The following SCAF11 variants were observed in gnomAD, a reference collection of about 807,000 sequenced individuals.
The protein encoded by SCAF11 is protein SCAF11.
Under a neutral mutation model 140.5 loss-of-function variants are expected in SCAF11, and 47 were observed. That is an observed-to-expected ratio of 0.33 (90% CI 0.26 to 0.43). SCAF11 has a LOEUF of 0.43. SCAF11 is among the 20% of genes least tolerant of loss of function. SCAF11 has a pLI of 1.00. For missense variants in SCAF11, 1,645 were observed against 1,705.1 expected, an observed-to-expected ratio of 0.96 and a Z score of 0.62; for synonymous variants, 557 against 579.4, an observed-to-expected ratio of 0.96 and a Z score of 0.55.
intron 1 of SCAF11, among the ~76,000 whole-genome samples, chr12:45,976,236 TA>T (rs1432018097): frequency 6.6e-6 from 1 of 152,214 alleles, no homozygotes; most frequent in Non-Finnish European, 1.5e-5. Flanking sequence ...TTTAAGTATG[TA>T]TAATTCTTAG....
intron 1 of SCAF11, 135 bp from the exon 2 acceptor site, chr12:45,964,323 ATCCAGTAC>A: frequency 3.5e-6 from 2 of 568,360 alleles, no homozygotes; most frequent in Non-Finnish European, 6.2e-6. Flanking sequence ...TTTGTGGATA[ATCCAGTAC>A]TCTTTTATAC....
chr12:45,956,170 T>C (rs1267570402), intron 3 of SCAF11: 3 of 716,726 alleles, frequency 4.2e-6, no homozygotes, highest in African/African-American at 3.5e-5. Flanking sequence ...CTCAATCACA[T>C]AGGCTGCTTA....
intron 14 of SCAF11, 26 bp downstream of exon 14, chr12:45,922,437 C>T (rs761787012): frequency 1.3e-6 from 2 of 1,593,340 alleles, no homozygotes; most frequent in South Asian, 2.3e-5. Context: ...ACAACGTGCA[C>T]ATACTCCACT....
intron 1 of SCAF11, among the ~76,000 whole-genome samples, chr12:45,966,294 A>G (rs1248803982): frequency 2.0e-5 from 3 of 152,028 alleles, no homozygotes; most frequent in Non-Finnish European, 2.9e-5. Context: ...AGAATAATCT[A>G]TCAATGAAAG....
intron 2 of SCAF11, among the ~76,000 whole-genome samples, chr12:45,963,755 C>T (rs1420526101): frequency 6.6e-6 from 1 of 152,166 alleles, no homozygotes; most frequent in African/African-American, 2.4e-5. Context: ...GGTTCTTCTT[C>T]TGTTGGTAGT....
At chr12:45,934,559 GGCTGTAAACCA>G in intron 6 of SCAF11, 54 bp from the exon 7 acceptor site, 1 of 1,271,982 alleles carries the variant, frequency 7.9e-7, no homozygotes. Context: ...TTATTAAAAA[GGCTGTAAACCA>G]GCATCGATAC....
intron 1 of SCAF11, among the ~76,000 whole-genome samples, chr12:45,985,940 A>G (rs184494580): frequency 6.6e-6 from 1 of 151,992 alleles, no homozygotes; most frequent in Admixed American, 6.6e-5. Flanking sequence ...CTTGACTTCT[A>G]TCTCCTTGTA....
chr12:45,970,854 T>C (rs1946055768), intron 1 of SCAF11, among the ~76,000 whole-genome samples: 1 of 152,252 alleles, frequency 6.6e-6, no homozygotes, highest in Admixed American at 6.5e-5. Context: ...AGTAAGGATA[T>C]GTTTCAGAAC....
intron 6 of SCAF11, 87 bp from the exon 7 acceptor site, chr12:45,934,592 C>T: frequency 2.5e-6 from 2 of 800,762 alleles, no homozygotes; most frequent in Non-Finnish European, 3.8e-6. Context: ...AGCACATTGG[C>T]AAGGGTTGAA....
intron 1 of SCAF11, among the ~76,000 whole-genome samples, chr12:45,989,247 C>A (rs1364878814): frequency 1.3e-5 from 2 of 152,028 alleles, no homozygotes; most frequent in East Asian, 1.9e-4. Flanking sequence ...TCTTTTAAAA[C>A]GAAAAAATAA....
Position 45,923,115 on chromosome 12 carries a change from T to TA in SCAF11, c.3945dup (p.Thr1316TyrfsTer24). 1 of 1,614,150 alleles carries TA rather than the reference T, an allele frequency of 6.2e-7. No individual in the cohort carries two copies. The highest frequency in any genetic ancestry group is 8.5e-7 in the Non-Finnish European group (1 of 1,180,004). ...GCTGTCGGAGCAGGCAAAACTGGTG[T>TA]ACTCATGTTATTACTTACATGAGAA... On this transcript the variant is annotated frameshift_variant, in exon 13 of 15. Transcript: ENST00000369367. LOFTEE classifies it high-confidence loss of function.
intron 1 of SCAF11, among the ~76,000 whole-genome samples, chr12:45,978,253 T>A (rs948223947): frequency 2.6e-5 from 4 of 152,174 alleles, no homozygotes; most frequent in African/African-American, 9.7e-5. Context: ...GCTTAAGTTA[T>A]GGAGGACAGA....
chr12:45,963,567 T>C (rs558559947), intron 2 of SCAF11, among the ~76,000 whole-genome samples: 2 of 152,140 alleles, frequency 1.3e-5, no homozygotes, highest in Admixed American at 1.3e-4. Context: ...CAATAGACCT[T>C]CACTAAAGAA....
chr12:45,932,499 T>C (rs7309711), intron 9 of SCAF11, among the ~76,000 whole-genome samples: 129,931 of 152,094 alleles, frequency 0.85, 55,860 homozygotes, highest in African/African-American at 0.95. Flanking sequence ...GCCATCATTC[T>C]TAGAGGGTGA....
chr12:45,959,568 T>C lies in SCAF11; in HGVS notation c.219+2132A>G, dbSNP rs1229700202. ...TTAGATGGAAGAAGACTGAGGGAAATGAGAGGATGGAGCTTAATTTATAAT... is the reference window on the plus strand; with the variant it reads ...TTAGATGGAAGAAGACTGAGGGAAACGAGAGGATGGAGCTTAATTTATAAT... On this transcript the variant is annotated intron_variant, in intron 3 of 14. Coordinates refer to ENST00000369367, the MANE Select transcript of SCAF11 (RefSeq NM_004719.3). Among the ~76,000 whole-genome samples, 3 of 152,212 alleles carry C rather than the reference T, an allele frequency of 2.0e-5. No individual in the cohort carries two copies. The East Asian group carries it at 5.8e-4, about 29-fold the overall frequency.
rs1308892239 is a variant in SCAF11 at position 45,927,212 on chromosome 12, G to A, written c.2489C>T (p.Ser830Phe). Residue 830 changes from serine (S) to phenylalanine (F), a missense_variant, in exon 11 of 15, where the codon TCT (serine) becomes TTT (phenylalanine). Physicochemically the swap from Ser to Phe is radical, Grantham distance 155. Coordinates refer to ENST00000369367, the MANE Select transcript of SCAF11 (RefSeq NM_004719.3). ...CTCATTCTTAGGAGATGGTGATTGA[G>A]ACTTCCTGCTTTCTTTCCCAGTTTC... is the stretch of plus-strand genomic sequence containing the variant. ...RRETGKESRK[S>F]QSPSPKNESA... 1 of 1,613,958 alleles carries A rather than the reference G, an allele frequency of 6.2e-7. No homozygotes were observed. Among genetic ancestry groups the A allele is most frequent in the Non-Finnish European group, 8.5e-7 (1 of 1,180,026 alleles).
chr12:45,966,412 G>A (rs1431785298), intron 1 of SCAF11, among the ~76,000 whole-genome samples: 2 of 151,026 alleles, frequency 1.3e-5, no homozygotes, highest in East Asian at 3.9e-4. Flanking sequence ...ACTGAACAAG[G>A]CAGAAATCTC....
intron 4 of SCAF11, 101 bp downstream of exon 4, chr12:45,951,549 C>T: frequency 1.4e-6 from 1 of 716,088 alleles, no homozygotes; most frequent in Non-Finnish European, 2.3e-6. Flanking sequence ...CATATTAAAC[C>T]TTAAGTTGAA....
upstream of SCAF11, chr12:45,992,016 G>A: frequency 7.8e-7 from 1 of 1,288,846 alleles, no homozygotes; most frequent in Admixed American, 2.3e-5. Flanking sequence ...ACTTTGCCGC[G>A]GCCCCGCCGA....
Sources: allele counts gnomAD v4.1 joint callset (sites outside exome capture counted in the v4.1 genomes callset), GRCh38; gene constraint gnomAD v4.1.1; transcripts MANE v1.5; gene names NCBI Gene and HGNC (gene_info 2026-07-23, HGNC 2026-07-21).